Variants in PCGF6 observed in about 807,000 individuals in gnomAD.
PCGF6 encodes polycomb group ring finger 6.
In PCGF6, 24 loss-of-function variants were observed where a neutral mutation model predicts 45.5. The ratio of observed to expected loss-of-function variants is 0.53; its 90% CI spans 0.38 to 0.74. PCGF6 has a LOEUF of 0.74. Ranked by LOEUF, PCGF6 falls within the 30% of genes least tolerant of loss-of-function variation. PCGF6 has a pLI of 0.00. For missense variants in PCGF6, 356 were observed against 443.2 expected (o/e 0.80, Z 1.77); for synonymous variants, 152 against 162.1 (o/e 0.94, Z 0.47).
At position 103,350,995 on chromosome 10, in the gene PCGF6, C is replaced by G; in HGVS notation, c.72G>C (p.Pro24=). 2.8e-6 allele frequency: 4 copies of G among 1,439,648 alleles called. No individual in the cohort carries two copies. Among genetic ancestry groups the G allele is most frequent in the Non-Finnish European group, 3.6e-6 (4 of 1,098,528 alleles). 89.2% of individuals were successfully genotyped at this position (1,439,648 alleles called of 1,614,324 possible). A position where few individuals can be genotyped will look rare whatever the true frequency, so the allele number is the denominator to read the frequency against. Residue 24 remains proline, a synonymous_variant, in exon 1 of 10, where the codon CCG becomes CCC. Transcript: ENST00000369847. ...CGGGCGGGGAGACAGGAGGCGGAGG[C>G]GGCAAGGCTGCAGCTCCCTCGGTTT... ...AAKTEGAAAL[P]PPPPVSPPAL...
At chr10:103,308,214 T>C (rs541091211) in intron 9 of PCGF6, among the ~76,000 whole-genome samples, 1 of 152,178 alleles carries the variant, frequency 6.6e-6, no homozygotes, top group East Asian at 1.9e-4. Context: ...CCCAGAATGG[T>C]AGACCCACTG....
intron 6 of PCGF6, among the ~76,000 whole-genome samples, chr10:103,336,298 T>C (rs1177573071): frequency 6.6e-6 from 1 of 151,108 alleles, no homozygotes; most frequent in Non-Finnish European, 1.5e-5. Flanking sequence ...TACAGAAATA[T>C]TTATATATTA....
chr10:103,319,100 T>C (rs2093187079), intron 8 of PCGF6, among the ~76,000 whole-genome samples: 1 of 152,208 alleles, frequency 6.6e-6, no homozygotes, highest in South Asian at 2.1e-4. Flanking sequence ...CAAGTTAAGA[T>C]TTTTCAATCA....
intron 3 of PCGF6, among the ~76,000 whole-genome samples, chr10:103,347,813 CCTT>C (rs1592079544): frequency 1.3e-5 from 2 of 152,146 alleles, no homozygotes; most frequent in Non-Finnish European, 2.9e-5. Flanking sequence ...ACCTCAGCCT[CCTT>C]AATAGCTGGG....
At chr10:103,342,636 C>A (rs2093285068) in intron 6 of PCGF6, among the ~76,000 whole-genome samples, 1 of 152,160 alleles carries the variant, frequency 6.6e-6, no homozygotes, top group Non-Finnish European at 1.5e-5. Context: ...CTTAAGTGAG[C>A]ACAAGGTACA....
In PCGF6 at chr10:103,332,930, CATGGTGAAACACCGTCTCTACTAAAA is replaced by C. The variant is rs2093245343; in HGVS notation, c.810+969_810+994del. Among the ~76,000 whole-genome samples, 3 of 152,138 alleles carry C rather than the reference CATGGTGAAACACCGTCTCTACTAAAA, an allele frequency of 2.0e-5. No individual in the cohort carries two copies. In the South Asian group the frequency reaches 6.2e-4, roughly 32 times the overall value. ...AGGAGTTTGAGAATAGCCTGGCCAA[CATGGTGAAACACCGTCTCTACTAAAA>C]ATGCAAAATTAGCTGGGCGTGGTGG... On this transcript the variant is annotated intron_variant, in intron 7 of 9. Coordinates refer to ENST00000369847, the MANE Select transcript of PCGF6 (RefSeq NM_001011663.2).
At chr10:103,330,507 T>A (rs1286097712) in intron 7 of PCGF6, among the ~76,000 whole-genome samples, 1 of 152,220 alleles carries the variant, frequency 6.6e-6, no homozygotes, top group East Asian at 1.9e-4. Flanking sequence ...TCAACAGCTT[T>A]ATTGAGATGT....
intron 9 of PCGF6, among the ~76,000 whole-genome samples, chr10:103,305,415 G>A (rs1366543343): frequency 6.6e-6 from 1 of 151,890 alleles, no homozygotes. Flanking sequence ...GAACGACAGG[G>A]GCCCGCCATC....
intron 5 of PCGF6, among the ~76,000 whole-genome samples, chr10:103,346,653 G>C (rs1238514957): frequency 2.0e-5 from 3 of 152,114 alleles, no homozygotes. Flanking sequence ...AAATTAGCCA[G>C]GTGTGGTGGC....
In PCGF6 at chr10:103,350,983, A is replaced by AGGAGGT. The variant is rs113359610; in HGVS notation, c.83_84insACCTCC (p.Pro27_Pro28dup). ...CAGGGGTGAGGGCGGGCGGGGAGAC[A>AGGAGGT]GGAGGCGGAGGCGGCAAGGCTGCAG... On this transcript the variant is annotated inframe_insertion, in exon 1 of 10. Coordinates refer to ENST00000369847, the MANE Select transcript of PCGF6 (RefSeq NM_001011663.2). 141 of 1,410,922 alleles carry AGGAGGT rather than the reference A, an allele frequency of 1.0e-4. No homozygotes were observed. The African/African-American group carries it at 1.9e-3, about 19-fold the overall frequency. 87.4% of individuals were successfully genotyped at this position (1,410,922 alleles called of 1,614,324 possible).
intron 9 of PCGF6, among the ~76,000 whole-genome samples, chr10:103,310,580 G>A (rs761597152): frequency 1.3e-5 from 2 of 151,606 alleles, no homozygotes; most frequent in Non-Finnish European, 2.9e-5. Flanking sequence ...TAATTCTTGG[G>A]AACAGATTGT....
intron 7 of PCGF6, among the ~76,000 whole-genome samples, chr10:103,333,117 TAAAAAAAA>T (rs55722610): frequency 7.6e-6 from 1 of 131,032 alleles, no homozygotes; most frequent in Non-Finnish European, 1.6e-5. Flanking sequence ...AGACTCCATT[TAAAAAAAA>T]AAAAAAAAAA....
chr10:103,314,109 T>C (rs2093166570), intron 9 of PCGF6, 77 bp downstream of exon 9: 7 of 746,130 alleles, frequency 9.4e-6, no homozygotes, highest in Non-Finnish European at 1.5e-5. Context: ...GTAGAATATT[T>C]ATGAAAACTT....
chr10:103,343,478 C>T (rs2093288339), intron 6 of PCGF6, among the ~76,000 whole-genome samples: 1 of 152,012 alleles, frequency 6.6e-6, no homozygotes, highest in Non-Finnish European at 1.5e-5. Context: ...GGGACCATGA[C>T]AGTCTGTTTA....
In PCGF6 at chr10:103,323,249, T is replaced by C. The variant is rs556164339; in HGVS notation, c.909+3285A>G. Among the ~76,000 whole-genome samples the C allele has an allele frequency of 1.6e-4, 24 of 152,316 alleles. No individual in the cohort carries two copies. In the East Asian group the frequency reaches 4.0e-3, roughly 26 times the overall value. On this transcript the variant is annotated intron_variant, in intron 8 of 9. Transcript: ENST00000369847. Reference sequence around the variant, plus strand: ...AAGTCATATTTCACTGGATTTAGTATATATTTACTACCAGTAAATATCGGT... The same window carrying C: ...AAGTCATATTTCACTGGATTTAGTACATATTTACTACCAGTAAATATCGGT...
chr10:103,319,151 T>C (rs571006078), intron 8 of PCGF6, among the ~76,000 whole-genome samples: 18 of 152,286 alleles, frequency 1.2e-4, no homozygotes, highest in East Asian at 9.6e-4. Context: ...CCTTTGATCA[T>C]ACATACTCTT....
chr10:103,317,439 G>T (rs1041619225), intron 8 of PCGF6, among the ~76,000 whole-genome samples: 2 of 151,732 alleles, frequency 1.3e-5, no homozygotes, highest in Non-Finnish European at 2.9e-5. Context: ...TAAATTTTTT[G>T]TAAAAAGCTT....
chr10:103,327,432 A>T (rs1458821855), intron 7 of PCGF6, among the ~76,000 whole-genome samples: 1 of 152,224 alleles, frequency 6.6e-6, no homozygotes, highest in Non-Finnish European at 1.5e-5. Flanking sequence ...CTGAATCCTG[A>T]TTGAAAAACT....
chr10:103,318,091 G>A (rs2046191942), intron 8 of PCGF6, among the ~76,000 whole-genome samples: 1 of 151,164 alleles, frequency 6.6e-6, no homozygotes, highest in African/African-American at 2.4e-5. Flanking sequence ...TGATGTGTAT[G>A]GTCCTAGAAC....
Sources: gnomAD v4.1 joint callset for allele counts (sites outside exome capture counted in the v4.1 genomes callset) on GRCh38, gnomAD v4.1.1 for gene constraint, MANE v1.5 for transcripts, NCBI Gene and HGNC (gene_info 2026-07-23, HGNC 2026-07-21) for gene names.